Variants in PARP4 observed in about 807,000 individuals in gnomAD.
PARP4 encodes protein mono-ADP-ribosyltransferase PARP4.
Under a neutral mutation model 187.7 loss-of-function variants are expected in PARP4, and 120 were observed. The observed-to-expected ratio is 0.64, with a 90% CI of 0.55 to 0.74. The LOEUF is 0.74. PARP4 is among the 30% of genes least tolerant of loss of function. The pLI, the probability that PARP4 is intolerant of heterozygous loss-of-function variation, is 0.00. For missense variants in PARP4, 1,836 were observed against 2,070.5 expected, an observed-to-expected ratio of 0.89 and a Z score of 2.20; for synonymous variants, 654 against 740.9, an observed-to-expected ratio of 0.88 and a Z score of 1.90.
At chr13:24,443,597 GTAAGAATGCTCAAGAAGAATGTC>G (rs1350832158) in intron 28 of PARP4, 30 bp downstream of exon 28, 1 of 1,292,328 alleles carries the variant, frequency 7.7e-7, no homozygotes, top group African/African-American at 1.5e-5. Context: ...TAAAATCAAT[GTAAGAATGCTCAAGAAGAATGTC>G]TAATCATTTT....
rs1018134130 is a variant in PARP4 at position 24,494,717 on chromosome 13, T to C, written c.597A>G (p.Arg199=). The C allele has an allele frequency of 6.2e-7, 1 of 1,600,364 alleles. No homozygotes were observed. The highest frequency in any genetic ancestry group is 1.3e-5 in the African/African-American group (1 of 74,316). The part of the protein sequence containing the change: ...HFLLDDGMET[R]RQFAIKKTSE... ...AGGTTTTCTTTATAGCAAACTGTCT[T>C]CTAGTCTGTGAATTATGGTGTATAG... Residue 199 remains arginine (R), a synonymous_variant, in exon 7 of 34, where the codon AGA becomes AGG. Transcript: ENST00000381989.
At chr13:24,440,460 C>T (rs1870869333) in intron 30 of PARP4, among the ~76,000 whole-genome samples, 3 of 148,830 alleles carry the variant, frequency 2.0e-5, no homozygotes, top group Admixed American at 2.0e-4. Context: ...TCCCTCCAAA[C>T]CCAAGGCCAC....
intron 15 of PARP4, among the ~76,000 whole-genome samples, chr13:24,470,890 C>T (rs1186513149): frequency 6.6e-6 from 1 of 152,108 alleles, no homozygotes; most frequent in Non-Finnish European, 1.5e-5. Context: ...TGAGTCTCCC[C>T]AAATCAGCAG....
At chr13:24,494,790 A>C (rs1337909452) in intron 6 of PARP4, 68 bp from the exon 7 acceptor site, 4 of 1,089,502 alleles carry the variant, frequency 3.7e-6, no homozygotes, top group Non-Finnish European at 5.3e-6. Flanking sequence ...GAACATAAAT[A>C]AAGCAGTAGG....
intron 2 of PARP4, among the ~76,000 whole-genome samples, chr13:24,502,993 G>A (rs1292687702): frequency 6.6e-6 from 1 of 152,142 alleles, no homozygotes; most frequent in African/African-American, 2.4e-5. Context: ...CAGAGGACAG[G>A]GGCAGGCCAG....
chr13:24,467,626 A>G (rs571983819), intron 17 of PARP4, among the ~76,000 whole-genome samples: 3 of 152,340 alleles, frequency 2.0e-5, no homozygotes, highest in African/African-American at 7.2e-5. Context: ...ATAACAATGC[A>G]TGAATACCAT....
intron 17 of PARP4, among the ~76,000 whole-genome samples, chr13:24,465,554 C>T (rs9551104): frequency 2.0e-5 from 3 of 152,008 alleles, no homozygotes; most frequent in Admixed American, 6.6e-5. Flanking sequence ...CTTACTTACA[C>T]GTGGGAGCTG....
At chr13:24,466,013 A>G (rs1316378074) in intron 17 of PARP4, among the ~76,000 whole-genome samples, 1 of 152,192 alleles carries the variant, frequency 6.6e-6, no homozygotes, top group African/African-American at 2.4e-5. Context: ...AGTGCTGACC[A>G]ATGTAACTTT....
intron 6 of PARP4, among the ~76,000 whole-genome samples, chr13:24,497,258 C>T (rs1311666608): frequency 2.0e-5 from 3 of 152,138 alleles, no homozygotes; most frequent in African/African-American, 7.2e-5. Context: ...ACCTTGAGCC[C>T]TCAATACCCC....
intron 33 of PARP4, among the ~76,000 whole-genome samples, chr13:24,425,967 G>T (rs990606921): frequency 6.6e-6 from 1 of 152,194 alleles, no homozygotes; most frequent in African/African-American, 2.4e-5. Flanking sequence ...CTTCCAGGTG[G>T]TTATGAAGTT....
chr13:24,449,200 A>G (rs141903232), intron 25 of PARP4, among the ~76,000 whole-genome samples: 8 of 152,216 alleles, frequency 5.3e-5, no homozygotes, highest in African/African-American at 9.6e-5. Flanking sequence ...CATCCTGGCT[A>G]ACACAGTGAA....
intron 22 of PARP4, among the ~76,000 whole-genome samples, chr13:24,454,154 T>C (rs1871691463): frequency 6.6e-6 from 1 of 152,076 alleles, no homozygotes; most frequent in Non-Finnish European, 1.5e-5. Context: ...TCATAGAGCA[T>C]TCAAACCGTG....
intron 1 of PARP4, among the ~76,000 whole-genome samples, chr13:24,505,186 C>G (rs1056982456): frequency 3.3e-5 from 5 of 151,942 alleles, no homozygotes; most frequent in Non-Finnish European, 7.4e-5. Context: ...GGAGACAGAG[C>G]TAGAGAGCGC....
At chr13:24,468,400 CTTTT>C (rs140804702) in intron 17 of PARP4, among the ~76,000 whole-genome samples, 9,171 of 121,164 alleles carry the variant, frequency 0.076, 252 homozygotes, top group South Asian at 0.12. Context: ...TATCACACTC[CTTTT>C]TTTTTTTTTT....
At chr13:24,469,800 C>T in intron 16 of PARP4, 94 bp downstream of exon 16, 1 of 1,339,042 alleles carries the variant, frequency 7.5e-7, no homozygotes, top group Admixed American at 2.3e-5. Flanking sequence ...GCTACTCAAC[C>T]TTGTAGCCAT....
Position 24,452,445 on chromosome 13 carries a change from C to T in PARP4, c.2975G>A (p.Arg992Lys), listed in dbSNP as rs1593606213. Residue 992 changes from arginine to lysine, a missense_variant, in exon 24 of 34, where the codon AGG becomes AAG. Physicochemically the swap from Arg to Lys is conservative, Grantham distance 26. Around this residue, in one of 8 missense-constraint regions of PARP4, gnomAD observed 1,147 missense variants for 1,214.2 expected, o/e 0.94. Coordinates refer to ENST00000381989, the MANE Select transcript of PARP4 (RefSeq NM_006437.4). ...DESLTLQLVKRSRPHTRLFAC... is the reference protein window; with the variant it reads ...DESLTLQLVKKSRPHTRLFAC... ...GAATAACCTGGTGTGCGGGCGGCTC[C>T]TCTTCACGAGCTGTAATGTCAGGCT... 1 of 1,613,998 alleles carries T rather than the reference C, an allele frequency of 6.2e-7. No homozygotes were observed. The highest frequency in any genetic ancestry group is 1.7e-4 in the Middle Eastern group (1 of 6,004).
Position 24,505,974 on chromosome 13 carries a change from A to T in PARP4, c.-1-2197T>A, listed in dbSNP as rs576565325. On this transcript the variant is annotated intron_variant, in intron 1 of 33. Coordinates refer to ENST00000381989, the MANE Select transcript of PARP4 (RefSeq NM_006437.4). ...CCCTGCACCGCGATTGGGCTCCGCC[A>T]TTTCCCCTTTGCCTGCCCTTTCACC... is the stretch of plus-strand genomic sequence containing the variant. Among the ~76,000 whole-genome samples the T allele has an allele frequency of 2.6e-5, 4 of 152,282 alleles. No individual in the cohort carries two copies. In the South Asian group the frequency reaches 8.3e-4, roughly 32 times the overall value.
intron 30 of PARP4, among the ~76,000 whole-genome samples, chr13:24,437,617 T>G (rs1870694995): frequency 6.6e-6 from 1 of 152,144 alleles, no homozygotes. Flanking sequence ...AACATGCTCC[T>G]CTTCATTCAT....
intron 14 of PARP4, among the ~76,000 whole-genome samples, chr13:24,477,286 C>T (rs1446961816): frequency 6.6e-6 from 1 of 151,980 alleles, no homozygotes; most frequent in African/African-American, 2.4e-5. Flanking sequence ...TTCAGGCCAG[C>T]CTAAGCAACA....
Sources: allele counts gnomAD v4.1 joint callset (sites outside exome capture counted in the v4.1 genomes callset), GRCh38; gene constraint gnomAD v4.1.1; regional missense constraint gnomAD v4.1.1; transcripts MANE v1.5; gene names NCBI Gene and HGNC (gene_info 2026-07-23, HGNC 2026-07-21).